The following PCDH15 variants were observed in gnomAD, a reference collection of about 807,000 sequenced individuals.
PCDH15 encodes the protein protocadherin related 15, also known as protocadherin-15.
PCDH15 carries 129 observed loss-of-function variants against 178.5 expected under a neutral mutation model. That is an observed-to-expected ratio of 0.72 (90% CI 0.63 to 0.84). The LOEUF (loss-of-function observed/expected upper bound fraction) is 0.84, where lower values mean the gene tolerates loss of function less well. Ranked by LOEUF, PCDH15 falls within the 40% of genes least tolerant of loss-of-function variation. The pLI is 0.00. For synonymous variants in PCDH15, 800 were observed against 732.0 expected (o/e 1.09, Z -1.50); for missense variants, 2,230 against 2,099.9 (o/e 1.06, Z -1.21).
At chr10:53,911,232 A>G (rs1723187840) in intron 25 of PCDH15, among the ~76,000 whole-genome samples, 1 of 152,214 alleles carries the variant, frequency 6.6e-6, no homozygotes, top group South Asian at 2.1e-4. Flanking sequence ...CAGCAAATGT[A>G]AAAGAACAGA....
At chr10:55,436,302 A>G (rs1839038488) in intron 2 of PCDH15, among the ~76,000 whole-genome samples, 1 of 152,104 alleles carries the variant, frequency 6.6e-6, no homozygotes. Flanking sequence ...ACAAGAATAA[A>G]CATACAGAAA....
chr10:55,527,057 T>C lies in PCDH15; in HGVS notation c.-156+100568A>G, dbSNP rs186265775. 2.1e-3 allele frequency among the ~76,000 whole-genome samples: 320 copies of C among 152,134 alleles called. 1 individual carries two copies. The highest frequency in any genetic ancestry group is 7.2e-3 in the African/African-American group (298 of 41,524). ...TGTGATTGGTCTATTTGCACTTCAG[T>C]TGAATTAAAGGAGCTAGATGGAAAT... is the stretch of plus-strand genomic sequence containing the variant. On this transcript the variant is annotated intron_variant, in intron 2 of 5. Transcript: ENST00000613346.
At chr10:54,013,899 C>A (rs1471039874) in intron 20 of PCDH15, among the ~76,000 whole-genome samples, 1 of 151,530 alleles carries the variant, frequency 6.6e-6, no homozygotes, top group South Asian at 2.1e-4. Context: ...AAGAAATAAC[C>A]AAAATCAGAG....
At chr10:55,453,121 T>C (rs1267144658) in intron 2 of PCDH15, among the ~76,000 whole-genome samples, 3 of 152,152 alleles carry the variant, frequency 2.0e-5, no homozygotes, top group Admixed American at 1.3e-4. Flanking sequence ...TCAGAGTCAT[T>C]TGAGGGTTAA....
At chr10:54,833,059 A>G (rs1016226381) in intron 3 of PCDH15, among the ~76,000 whole-genome samples, 1 of 152,184 alleles carries the variant, frequency 6.6e-6, no homozygotes, top group Non-Finnish European at 1.5e-5. Context: ...TATTTACAAT[A>G]TACCAGGAAC....
In PCDH15 at chr10:54,066,932, T is replaced by A. The variant is rs376114989; in HGVS notation, c.2092-47A>T. 20 of 1,591,622 alleles carry A rather than the reference T, an allele frequency of 1.3e-5. No homozygotes were observed. In the African/African-American group the frequency reaches 1.3e-4, roughly 11 times the overall value. ...TAAATGTGAGAGGAGCTATTTTTAC[T>A]TAGAATTCATTTAAGTAGTCATTCT... On this transcript the variant is annotated intron_variant, in intron 17 of 37. Transcript: ENST00000644397.
chr10:54,383,502 A>T (rs1158153654), intron 3 of PCDH15, among the ~76,000 whole-genome samples: 1 of 152,112 alleles, frequency 6.6e-6, no homozygotes. Flanking sequence ...ATATTTAATT[A>T]TCAGACTGGT....
chr10:54,885,108 C>A (rs187736601), intron 3 of PCDH15, among the ~76,000 whole-genome samples: 1 of 152,072 alleles, frequency 6.6e-6, no homozygotes, highest in African/African-American at 2.4e-5. Flanking sequence ...GCAACCGATA[C>A]AATAAATGAA....
At chr10:55,577,556 A>T (rs112595708) in intron 2 of PCDH15, among the ~76,000 whole-genome samples, 103 of 152,294 alleles carry the variant, frequency 6.8e-4, no homozygotes, top group African/African-American at 2.3e-3. Flanking sequence ...TATTATCAGT[A>T]ACTATTTTGA....
chr10:55,544,906 A>C (rs1841844978), intron 2 of PCDH15, among the ~76,000 whole-genome samples: 1 of 152,172 alleles, frequency 6.6e-6, no homozygotes. Context: ...GCTCTAACAC[A>C]ATAAGAAGTA....
intron 2 of PCDH15, among the ~76,000 whole-genome samples, chr10:54,610,300 T>C (rs1050335250): frequency 3.3e-5 from 5 of 151,948 alleles, no homozygotes; most frequent in Non-Finnish European, 1.5e-5. Flanking sequence ...TTTAACATGC[T>C]TGGAATCTCA....
intron 17 of PCDH15, among the ~76,000 whole-genome samples, chr10:54,078,515 CTTGCTTATCAAT>C (rs2094382299): frequency 6.6e-6 from 1 of 151,592 alleles, no homozygotes; most frequent in South Asian, 2.1e-4. Flanking sequence ...TTGAGTGAGC[CTTGCTTATCAAT>C]CTGTAATGGG....
chr10:53,823,292 A>G, intron 32 of PCDH15: 1 of 1,614,032 alleles, frequency 6.2e-7, no homozygotes, highest in South Asian at 1.1e-5. Context: ...CAACTTGTTG[A>G]TGTTTCCTGT....
chr10:54,236,738 TTAAAA>T, intron 9 of PCDH15, 80 bp downstream of exon 9: 5 of 1,118,540 alleles, frequency 4.5e-6, no homozygotes, highest in Non-Finnish European at 5.5e-6. Flanking sequence ...ACTTTGTTAT[TTAAAA>T]TATTTCCTTG....
At chr10:54,309,351 A>T (rs1043961388) in intron 8 of PCDH15, among the ~76,000 whole-genome samples, 1 of 150,036 alleles carries the variant, frequency 6.7e-6, no homozygotes, top group Non-Finnish European at 1.5e-5. Context: ...ACACACACAC[A>T]CACACTTCAC....
At chr10:54,491,228 G>T (rs934696240) in intron 3 of PCDH15, among the ~76,000 whole-genome samples, 1 of 150,780 alleles carries the variant, frequency 6.6e-6, no homozygotes, top group African/African-American at 2.4e-5. Context: ...AAATGTTATT[G>T]TGTGTTACAT....
chr10:55,317,399 A>G (rs906767713), intron 1 of PCDH15, among the ~76,000 whole-genome samples: 5 of 152,156 alleles, frequency 3.3e-5, no homozygotes, highest in African/African-American at 1.2e-4. Flanking sequence ...TATGTACACT[A>G]TTCTTTCCCA....
chr10:55,383,086 C>T lies in PCDH15; in HGVS notation c.-155-216435G>A, dbSNP rs1034506866. Among the ~76,000 whole-genome samples the T allele has an allele frequency of 3.9e-5, 6 of 152,082 alleles. No individual in the cohort carries two copies. In the Middle Eastern group the frequency reaches 0.014, roughly 345 times the overall value. On this transcript the variant is annotated intron_variant, in intron 2 of 5. Coordinates refer to the PCDH15 transcript ENST00000613346. ...TCAGGTCACATTCAGGTTTGAAAGG[C>T]GATGAATGCAGAGGATTTTATTAAG...
intron 2 of PCDH15, among the ~76,000 whole-genome samples, chr10:55,406,183 A>G (rs1474702398): frequency 1.3e-5 from 2 of 152,032 alleles, no homozygotes; most frequent in Admixed American, 1.3e-4. Flanking sequence ...TAACAGGGGT[A>G]AAAAAGCATA....
Sources: gnomAD v4.1 joint callset for allele counts (sites outside exome capture counted in the v4.1 genomes callset) on GRCh38, gnomAD v4.1.1 for gene constraint, MANE v1.5 for transcripts, NCBI Gene and HGNC (gene_info 2026-07-23, HGNC 2026-07-21) for gene names.